ABLIM1: variants seen among roughly 807,000 people sequenced by gnomAD.
ABLIM1 encodes actin binding LIM protein 1, also known as actin-binding LIM protein 1.
A neutral mutation model predicts 107.0 loss-of-function variants in ABLIM1; 40 were observed. The ratio of observed to expected loss-of-function variants is 0.37; its 90% CI spans 0.29 to 0.49. ABLIM1 has a LOEUF of 0.49. Among genes scored for constraint, ABLIM1 ranks in the 20% least tolerant of loss-of-function variants. The pLI is 0.97. For missense variants in ABLIM1, 857 were observed against 1,008.5 expected, an observed-to-expected ratio of 0.85 and a Z score of 2.04; for synonymous variants, 357 against 357.3, an observed-to-expected ratio of 1.00 and a Z score of 0.01.
At chr10:114,596,959 G>A (rs1413542529) in intron 2 of ABLIM1, among the ~76,000 whole-genome samples, 1 of 152,096 alleles carries the variant, frequency 6.6e-6, no homozygotes, top group Non-Finnish European at 1.5e-5. Context: ...GGAGGGAAGG[G>A]AATTCCAGGG....
In ABLIM1 at chr10:114,759,708, G is replaced by A. The variant is rs149278314; in HGVS notation, c.-213+8353C>T. On this transcript the variant is annotated intron_variant, in intron 1 of 15. Coordinates refer to the ABLIM1 transcript ENST00000651092. The stretch of plus-strand genomic sequence containing the variant: ...AATCTACAAAGTAGCTAATACTACA[G>A]GCAGATATTCAGCTATTGATCAAAA... 7.6e-3 allele frequency among the ~76,000 whole-genome samples: 1,151 copies of A among 152,180 alleles called. 10 individuals are homozygous for A. Among genetic ancestry groups the A allele is most frequent in the African/African-American group, 0.027 (1,107 of 41,504 alleles).
chr10:114,735,251 T>A (rs539155902), intron 1 of ABLIM1, among the ~76,000 whole-genome samples: 1 of 152,104 alleles, frequency 6.6e-6, no homozygotes, highest in South Asian at 2.1e-4. Context: ...TGATGAAGAG[T>A]CTCAGTCTAA....
chr10:114,603,714 G>A (rs1251173209), intron 1 of ABLIM1, among the ~76,000 whole-genome samples: 4 of 151,710 alleles, frequency 2.6e-5, no homozygotes, highest in African/African-American at 4.8e-5. Context: ...AGCACTTTGG[G>A]AAGCCGAGGT....
intron 1 of ABLIM1, among the ~76,000 whole-genome samples, chr10:114,654,402 T>C (rs545727345): frequency 6.6e-6 from 1 of 152,370 alleles, no homozygotes; most frequent in East Asian, 1.9e-4. Context: ...TAACATTTAG[T>C]GGATGCTTTT....
At chr10:114,656,595 C>T (rs967378615) in intron 1 of ABLIM1, among the ~76,000 whole-genome samples, 9 of 150,608 alleles carry the variant, frequency 6.0e-5, no homozygotes, top group African/African-American at 1.7e-4. Context: ...CCATCTGACA[C>T]GAAAAAAGAA....
the ABLIM1 span, among the ~76,000 whole-genome samples, chr10:114,791,113 C>G: frequency 6.6e-6 from 1 of 152,082 alleles, no homozygotes; most frequent in East Asian, 1.9e-4. Flanking sequence ...CACTCTGTCT[C>G]CCAGGCTGGA....
At chr10:114,449,338 T>C (rs1214159804) in intron 14 of ABLIM1, among the ~76,000 whole-genome samples, 2 of 152,244 alleles carry the variant, frequency 1.3e-5, no homozygotes, top group African/African-American at 4.8e-5. Flanking sequence ...TTTTAAAATC[T>C]GGAAATAACC....
intron 1 of ABLIM1, among the ~76,000 whole-genome samples, chr10:114,747,085 A>C (rs1467756145): frequency 6.6e-6 from 1 of 152,204 alleles, no homozygotes; most frequent in Non-Finnish European, 1.5e-5. Context: ...TAGAAGGAAA[A>C]GTCTTCATAG....
chr10:114,704,771 G>A (rs217197), intron 1 of ABLIM1, among the ~76,000 whole-genome samples: 7,671 of 152,160 alleles, frequency 0.05, 243 homozygotes, highest in Middle Eastern at 0.092. Flanking sequence ...TTGCTACAAA[G>A]AGAATCCACA....
At chr10:114,526,838 T>A in intron 6 of ABLIM1, 6 of 985,452 alleles carry the variant, frequency 6.1e-6, no homozygotes, top group Non-Finnish European at 6.0e-6. Flanking sequence ...GAAGCTCGGC[T>A]AAGGCAACGT....
intron 1 of ABLIM1, among the ~76,000 whole-genome samples, chr10:114,736,337 C>T (rs749712756): frequency 6.6e-6 from 1 of 152,068 alleles, no homozygotes; most frequent in South Asian, 2.1e-4. Context: ...ATTTTCACTG[C>T]CATTCTTGGT....
intron 1 of ABLIM1, among the ~76,000 whole-genome samples, chr10:114,733,512 T>C (rs911479874): frequency 1.3e-5 from 2 of 152,220 alleles, no homozygotes; most frequent in Non-Finnish European, 2.9e-5. Flanking sequence ...GTCAGCCTTC[T>C]TGTAGCATGC....
intron 8 of ABLIM1, among the ~76,000 whole-genome samples, chr10:114,478,240 C>T (rs994073772): frequency 2.0e-5 from 3 of 152,286 alleles, no homozygotes; most frequent in Non-Finnish European, 4.4e-5. Flanking sequence ...TTCTCTGATT[C>T]AGAAATAAAT....
chr10:114,722,464 G>C (rs1220367911), intron 1 of ABLIM1, among the ~76,000 whole-genome samples: 1 of 152,110 alleles, frequency 6.6e-6, no homozygotes, highest in Non-Finnish European at 1.5e-5. Flanking sequence ...AATGAGATTT[G>C]GGTGGAAACA....
In ABLIM1 at chr10:114,552,507, A is replaced by G. The variant is rs551283980; in HGVS notation, c.674-4731T>C. Among the ~76,000 whole-genome samples, 144 of 151,974 alleles carry G rather than the reference A, an allele frequency of 9.5e-4. 1 individual carries two copies. The highest frequency in any genetic ancestry group is 3.3e-3 in the African/African-American group (137 of 41,488). On this transcript the variant is annotated intron_variant, in intron 4 of 22. Transcript: ENST00000533213. ...CCTAACATGGAAAAAAAAAAAAAAA[A>G]AGAGAAAAGCCTGACCTTAAACACT...
At chr10:114,605,862 T>A (rs544405491) in intron 1 of ABLIM1, among the ~76,000 whole-genome samples, 1 of 152,274 alleles carries the variant, frequency 6.6e-6, no homozygotes, top group East Asian at 1.9e-4. Flanking sequence ...GCAAAGCAGA[T>A]CAGCCATGTC....
chr10:114,541,280 C>T (rs2066625677), intron 6 of ABLIM1, among the ~76,000 whole-genome samples: 1 of 152,082 alleles, frequency 6.6e-6, no homozygotes, highest in Admixed American at 6.5e-5. Context: ...TCAAGAACCT[C>T]AAGAACTGTT....
At chr10:114,762,572 T>C (rs191726229) in intron 1 of ABLIM1, among the ~76,000 whole-genome samples, 15 of 152,324 alleles carry the variant, frequency 9.8e-5, no homozygotes, top group African/African-American at 3.6e-4. Flanking sequence ...AAAGCTGTTC[T>C]TACTTACTAC....
intron 6 of ABLIM1, among the ~76,000 whole-genome samples, chr10:114,541,017 C>T (rs1261841166): frequency 6.6e-6 from 1 of 152,096 alleles, no homozygotes; most frequent in East Asian, 1.9e-4. Context: ...AATCCAATGA[C>T]AAGTGGCTTT....
Sources: allele counts gnomAD v4.1 joint callset (sites outside exome capture counted in the v4.1 genomes callset), GRCh38; gene constraint gnomAD v4.1.1; transcripts MANE v1.5; gene names NCBI Gene and HGNC (gene_info 2026-07-23, HGNC 2026-07-21).